Variants in STIMATE observed in about 807,000 individuals in gnomAD.
The protein encoded by STIMATE is STIM activating enhancer, also known as store-operated calcium entry regulator STIMATE.
A neutral mutation model predicts 36.7 loss-of-function variants in STIMATE; 15 were observed. The observed-to-expected ratio is 0.41, with a 90% CI of 0.27 to 0.63. The LOEUF (loss-of-function observed/expected upper bound fraction) is 0.63, where lower values mean the gene tolerates loss of function less well. STIMATE is among the 20% of genes least tolerant of loss of function. The probability of loss-of-function intolerance (pLI) is 0.32; values close to 1 mark genes in which losing one functional copy is unlikely to be tolerated. For synonymous variants in STIMATE, 163 were observed against 162.3 expected, an observed-to-expected ratio of 1.00 and a Z score of -0.03; for missense variants, 305 against 397.3, an observed-to-expected ratio of 0.77 and a Z score of 1.98.
chr3:52,845,305 T>C (rs550335773), intron 4 of STIMATE, among the ~76,000 whole-genome samples: 61 of 152,338 alleles, frequency 4.0e-4, no homozygotes, highest in African/African-American at 1.3e-3. Flanking sequence ...TTATCCGTTG[T>C]TGATTTTTCC....
intron 6 of STIMATE, 61 bp downstream of exon 6, chr3:52,843,658 CTT>C (rs996661892): frequency 5.6e-6 from 9 of 1,612,748 alleles, no homozygotes; most frequent in Non-Finnish European, 2.5e-6. Flanking sequence ...AGACTCAGAA[CTT>C]TGGACAGGAA....
chr3:52,854,706 T>C (rs1192090321), intron 2 of STIMATE, among the ~76,000 whole-genome samples: 1 of 152,148 alleles, frequency 6.6e-6, no homozygotes, highest in Non-Finnish European at 1.5e-5. Flanking sequence ...TATAGCAAAG[T>C]TGGACAGAAA....
At chr3:52,843,153 T>A in intron 6 of STIMATE, 193 bp from the exon 7 acceptor site, 1 of 1,117,744 alleles carries the variant, frequency 8.9e-7, no homozygotes, top group Non-Finnish European at 1.2e-6. Context: ...CGGGTTCAGT[T>A]TTCTGATCAG....
rs181982344 is a variant in STIMATE, at chr3:52,882,975, T to A, written c.160+14316A>T. ...CCTGCACTGCTTCTCACTGTAGCGG[T>A]GGCAAGTAGTTTTTAACTAAAGAAA... On this transcript the variant is annotated intron_variant, in intron 1 of 7. Coordinates refer to ENST00000355083, the MANE Select transcript of STIMATE (RefSeq NM_198563.5). Among the ~76,000 whole-genome samples the A allele has an allele frequency of 3.3e-3, 501 of 152,244 alleles. 5 individuals carry two copies. Among genetic ancestry groups the A allele is most frequent in the African/African-American group, 0.011 (455 of 41,542 alleles).
At chr3:52,855,572 T>C in intron 1 of STIMATE, 128 bp from the exon 2 acceptor site, 1 of 1,313,468 alleles carries the variant, frequency 7.6e-7, no homozygotes, top group Non-Finnish European at 1.1e-6. Context: ...TCTTTTAACA[T>C]GTAACAACAT....
At chr3:52,857,911 G>A (rs551573982) in intron 1 of STIMATE, among the ~76,000 whole-genome samples, 2 of 152,212 alleles carry the variant, frequency 1.3e-5, no homozygotes, top group South Asian at 2.1e-4. Flanking sequence ...GGTAATTAAG[G>A]TTTAATGAGA....
intron 1 of STIMATE, among the ~76,000 whole-genome samples, chr3:52,889,652 T>C (rs1701749971): frequency 6.6e-6 from 1 of 152,198 alleles, no homozygotes. Context: ...ACGGCACGTC[T>C]GTCCACATCA....
At chr3:52,866,364 C>A (rs545003770) in intron 1 of STIMATE, among the ~76,000 whole-genome samples, 1 of 152,220 alleles carries the variant, frequency 6.6e-6, no homozygotes, top group African/African-American at 2.4e-5. Context: ...GGCTTGCCAC[C>A]GTCTACCGCC....
intron 1 of STIMATE, among the ~76,000 whole-genome samples, chr3:52,873,907 A>G (rs1325146827): frequency 1.3e-5 from 2 of 152,228 alleles, no homozygotes; most frequent in Admixed American, 6.5e-5. Flanking sequence ...AATTCCCTGG[A>G]CAAATAAATT....
intron 1 of STIMATE, among the ~76,000 whole-genome samples, chr3:52,890,269 C>G (rs1701762067): frequency 1.3e-5 from 2 of 152,248 alleles, no homozygotes; most frequent in Admixed American, 6.5e-5. Context: ...CAATAGCGGG[C>G]TTGGCACCAA....
intron 1 of STIMATE, among the ~76,000 whole-genome samples, chr3:52,888,001 T>G (rs867117985): frequency 0.011 from 1,452 of 133,780 alleles, 40 homozygotes; most frequent in African/African-American, 0.04. Context: ...TCAGTTTTTT[T>G]TTTTTTTTTT....
intron 4 of STIMATE, 119 bp downstream of exon 4, chr3:52,849,673 A>C: frequency 6.8e-7 from 1 of 1,474,306 alleles, no homozygotes; most frequent in South Asian, 1.4e-5. Flanking sequence ...CCACACAGAG[A>C]AGACAATGGC....
chr3:52,862,553 G>A (rs1215089250), intron 1 of STIMATE, among the ~76,000 whole-genome samples: 3 of 152,214 alleles, frequency 2.0e-5, no homozygotes, highest in Admixed American at 6.5e-5. Flanking sequence ...AATATATGGA[G>A]AGTATATAAA....
In STIMATE at chr3:52,840,389, G is replaced by A; in HGVS notation, c.*105C>T. ...GGGCAGAGACAGCAAGAGGAGCAGA[G>A]GTAGAAAGGAAGGGCAGAGAGAGGG... On this transcript the variant is annotated 3_prime_UTR_variant, in exon 8 of 8. Coordinates refer to ENST00000355083, the MANE Select transcript of STIMATE (RefSeq NM_198563.5). 1 of 1,260,788 alleles carries A rather than the reference G, an allele frequency of 7.9e-7. No homozygotes were observed. Among genetic ancestry groups the A allele is most frequent in the East Asian group, 2.4e-5 (1 of 41,858 alleles). 78.1% of individuals were successfully genotyped at this position (1,260,788 alleles called of 1,614,324 possible).
chr3:52,852,780 G>C, intron 2 of STIMATE, 82 bp from the exon 3 acceptor site: 1 of 1,547,166 alleles, frequency 6.5e-7, no homozygotes, highest in Non-Finnish European at 8.8e-7. Flanking sequence ...GACTGAAACA[G>C]GAAGAAAGCC....
chr3:52,888,483 C>T (rs1701729633), intron 1 of STIMATE, among the ~76,000 whole-genome samples: 1 of 152,246 alleles, frequency 6.6e-6, no homozygotes, highest in African/African-American at 2.4e-5. Flanking sequence ...ATGGTGCACA[C>T]TGCACAGGGC....
In STIMATE at chr3:52,838,538, C is replaced by G. The variant is rs1013427587; in HGVS notation, c.*1956G>C. 2 of 152,178 alleles carry G rather than the reference C, an allele frequency of 1.3e-5. No individual in the cohort carries two copies. The highest frequency in any genetic ancestry group is 2.9e-5 in the Non-Finnish European group (2 of 68,032). 9.4% of individuals were successfully genotyped at this position (152,178 alleles called of 1,614,324 possible). A position where few individuals can be genotyped will look rare whatever the true frequency, so the allele number is the denominator to read the frequency against. On this transcript the variant is annotated 3_prime_UTR_variant, in exon 8 of 8. Transcript: ENST00000355083. ...AATGGCCTGGTTCTAGCCACTCTTC[C>G]CCACTAGAGAGCTGCTGGGGAAATA...
At chr3:52,868,676 G>A (rs756069160) in intron 1 of STIMATE, among the ~76,000 whole-genome samples, 5 of 152,194 alleles carry the variant, frequency 3.3e-5, no homozygotes, top group Non-Finnish European at 5.9e-5. Context: ...AGGCTGGAGT[G>A]CAGTGGCGAG....
intron 6 of STIMATE, 93 bp from the exon 7 acceptor site, chr3:52,843,053 A>G (rs1403373772): frequency 6.4e-7 from 1 of 1,567,800 alleles, no homozygotes; most frequent in Non-Finnish European, 8.7e-7. Flanking sequence ...ATTCCAGGTT[A>G]TAAGATCCAG....
Sources: allele counts gnomAD v4.1 joint callset (sites outside exome capture counted in the v4.1 genomes callset), GRCh38; gene constraint gnomAD v4.1.1; transcripts MANE v1.5; gene names NCBI Gene and HGNC (gene_info 2026-07-23, HGNC 2026-07-21).